RYR3: variants seen among roughly 807,000 people sequenced by gnomAD.
RYR3 encodes brain ryanodine receptor-calcium release channel.
A neutral mutation model predicts 584.3 loss-of-function variants in RYR3; 207 were observed. The ratio of observed to expected loss-of-function variants is 0.35; its 90% confidence interval spans 0.32 to 0.40. The LOEUF (loss-of-function observed/expected upper bound fraction) is 0.40, where lower values mean the gene tolerates loss of function less well. RYR3 is among the 10% of genes least tolerant of loss of function. The probability of loss-of-function intolerance (pLI) is 1.00; values close to 1 mark genes in which losing one functional copy is unlikely to be tolerated. For missense variants in RYR3, 5,616 were observed against 6,089.2 expected, an observed-to-expected ratio of 0.92 and a Z score of 2.59; for synonymous variants, 2,416 against 2,248.5, an observed-to-expected ratio of 1.07 and a Z score of -2.11.
chr15:33,583,942 C>G (rs941561966), intron 14 of RYR3, among the ~76,000 whole-genome samples: 1 of 152,012 alleles, frequency 6.6e-6, no homozygotes, highest in Admixed American at 6.6e-5. Context: ...ATCCCAGCTA[C>G]TTGGGAGGCT....
At chr15:33,619,299 G>A (rs552643887) in intron 19 of RYR3, among the ~76,000 whole-genome samples, 2 of 152,268 alleles carry the variant, frequency 1.3e-5, no homozygotes, top group South Asian at 2.1e-4. Flanking sequence ...GGAACTAATT[G>A]TAATGAAATC....
chr15:33,634,054 G>C (rs1690487414), intron 24 of RYR3, among the ~76,000 whole-genome samples: 1 of 151,886 alleles, frequency 6.6e-6, no homozygotes, highest in Non-Finnish European at 1.5e-5. Context: ...TTTTTGTTTT[G>C]TTTTGTTTTT....
At chr15:33,743,771 C>G (rs2070409313) in intron 52 of RYR3, among the ~76,000 whole-genome samples, 1 of 152,246 alleles carries the variant, frequency 6.6e-6, no homozygotes, top group Non-Finnish European at 1.5e-5. Flanking sequence ...CTGGGATAAG[C>G]TCCTTGCAGG....
chr15:33,817,826 T>A (rs1348471322), intron 75 of RYR3, among the ~76,000 whole-genome samples: 4 of 152,210 alleles, frequency 2.6e-5, no homozygotes, highest in Non-Finnish European at 5.9e-5. Flanking sequence ...GCCCTCTACT[T>A]CTTCTGAACC....
chr15:33,863,326 C>T (rs1889191197), intron 102 of RYR3, among the ~76,000 whole-genome samples: 1 of 152,200 alleles, frequency 6.6e-6, no homozygotes. Flanking sequence ...AGCGGAAAGG[C>T]AGTGAACATA....
intron 12 of RYR3, among the ~76,000 whole-genome samples, chr15:33,571,276 G>A (rs2058014746): frequency 6.6e-6 from 1 of 152,162 alleles, no homozygotes; most frequent in Admixed American, 6.6e-5. Context: ...CTGGTTTGTT[G>A]AGAGCTTTTA....
chr15:33,357,839 C>G (rs190588404), intron 1 of RYR3, among the ~76,000 whole-genome samples: 21 of 152,266 alleles, frequency 1.4e-4, no homozygotes, highest in African/African-American at 5.1e-4. Flanking sequence ...ACCAGCGAGC[C>G]TAATCATGTT....
At chr15:33,851,447 C>CATCTTGTA (rs1555491409) in intron 94 of RYR3, 2 of 152,068 alleles carry the variant, frequency 1.3e-5, no homozygotes, top group Non-Finnish European at 2.9e-5. Flanking sequence ...ATGGGTTAAG[C>CATCTTGTA]ATCTTGTACT....
At chr15:33,865,043 T>TA in intron 103 of RYR3, 88 bp from the exon 104 acceptor site, 1 of 953,256 alleles carries the variant, frequency 1.0e-6, no homozygotes, top group Admixed American at 2.0e-5. Flanking sequence ...TCAGTCTTCC[T>TA]AAAGGGAGCC....
chr15:33,449,871 C>G (rs2046965080), intron 1 of RYR3, among the ~76,000 whole-genome samples: 1 of 151,928 alleles, frequency 6.6e-6, no homozygotes, highest in Non-Finnish European at 1.5e-5. Flanking sequence ...TCCCCCAAAT[C>G]CTGGGTGGGA....
rs187615614 is a variant in RYR3 at position 33,584,004 on chromosome 15, A to G, written c.1574-391A>G. 3.6e-4 allele frequency among the ~76,000 whole-genome samples: 51 copies of G among 140,804 alleles called. 1 individual carries two copies. The East Asian group carries it at 8.5e-3, about 23-fold the overall frequency. The allele number at this position is 140,804 out of a possible 152,430, so 92.4% of individuals were successfully genotyped here. ...GAGGTGGAGGTTGCAGTGAGCCGAG[A>G]TTGCACCACTGTACTCCAGCCTGGG... is the stretch of plus-strand genomic sequence containing the variant. On this transcript the variant is annotated intron_variant, in intron 14 of 103. Coordinates refer to ENST00000634891, the MANE Select transcript of RYR3 (RefSeq NM_001036.6).
intron 1 of RYR3, among the ~76,000 whole-genome samples, chr15:33,359,372 G>A (rs1041131752): frequency 1.3e-5 from 2 of 151,906 alleles, no homozygotes; most frequent in Non-Finnish European, 1.5e-5. Flanking sequence ...TTATTTTCCC[G>A]ACTCTTCACC....
chr15:33,692,977 G>T (rs1042172485), intron 38 of RYR3, among the ~76,000 whole-genome samples: 2 of 152,192 alleles, frequency 1.3e-5, no homozygotes, highest in African/African-American at 4.8e-5. Context: ...CCTTGAGCAG[G>T]TTAGCAATTC....
At chr15:33,861,846 A>T (rs1052150786) in intron 102 of RYR3, among the ~76,000 whole-genome samples, 1 of 151,896 alleles carries the variant, frequency 6.6e-6, no homozygotes, top group Non-Finnish European at 1.5e-5. Context: ...GCTGGTCTTG[A>T]ACTCCTGACC....
intron 42 of RYR3, among the ~76,000 whole-genome samples, chr15:33,704,635 T>TA (rs1166340988): frequency 6.6e-6 from 1 of 152,224 alleles, no homozygotes; most frequent in Non-Finnish European, 1.5e-5. Flanking sequence ...GGTATGACGA[T>TA]AACCGATGCT....
intron 1 of RYR3, among the ~76,000 whole-genome samples, chr15:33,463,271 A>G (rs2048194297): frequency 6.6e-6 from 1 of 152,156 alleles, no homozygotes; most frequent in African/African-American, 2.4e-5. Flanking sequence ...GAGAGTAAAA[A>G]TTATGATTTG....
At chr15:33,521,421 A>C (rs2053974700) in intron 3 of RYR3, among the ~76,000 whole-genome samples, 1 of 152,154 alleles carries the variant, frequency 6.6e-6, no homozygotes, top group African/African-American at 2.4e-5. Flanking sequence ...CCACCTTCTC[A>C]TCCAGGAAAA....
At chr15:33,822,501 T>C (rs1431028073) in intron 80 of RYR3, among the ~76,000 whole-genome samples, 1 of 152,252 alleles carries the variant, frequency 6.6e-6, no homozygotes, top group African/African-American at 2.4e-5. Flanking sequence ...TTCTACCACC[T>C]ACCACGAGAT....
intron 33 of RYR3, 141 bp downstream of exon 33, chr15:33,659,947 T>C (rs2063053543): frequency 3.0e-6 from 2 of 663,922 alleles, no homozygotes; most frequent in Non-Finnish European, 2.6e-6. Flanking sequence ...TGCCCTTTCC[T>C]GTGGCATTCA....
Sources: gnomAD v4.1 joint callset for allele counts (sites outside exome capture counted in the v4.1 genomes callset) on GRCh38, gnomAD v4.1.1 for gene constraint, MANE v1.5 for transcripts, NCBI Gene and HGNC (gene_info 2026-07-23, HGNC 2026-07-21) for gene names.